CDC14B: variants seen among roughly 807,000 people sequenced by gnomAD.
The protein encoded by CDC14B is cell division cycle 14B.
Under a neutral mutation model 64.2 loss-of-function variants are expected in CDC14B, and 22 were observed. That is an observed-to-expected ratio of 0.34 (90% CI 0.24 to 0.49). The LOEUF is 0.49. Ranked by LOEUF, CDC14B falls within the 20% of genes least tolerant of loss-of-function variation. The pLI is 0.99. For missense variants in CDC14B, 498 were observed against 629.9 expected, an observed-to-expected ratio of 0.79 and a Z score of 2.24; for synonymous variants, 191 against 215.8, an observed-to-expected ratio of 0.89 and a Z score of 1.01.
chr9:96,497,044 G>C (rs926848416), downstream of CDC14B, among the ~76,000 whole-genome samples: 16 of 152,340 alleles, frequency 1.1e-4, no homozygotes, highest in Admixed American at 2.6e-4. Flanking sequence ...GTTTAACACA[G>C]AGAAACACAC....
Position 96,533,947 on chromosome 9 carries a change from G to T in CDC14B, c.926C>A (p.Ala309Asp). The change falls in exon 9 of 14, where the codon GCC becomes GAC. Residue 309 changes from alanine (A) to aspartate (D), a missense_variant. Coordinates refer to ENST00000375241, the MANE Select transcript of CDC14B (RefSeq NM_033331.4). ...FLDICENAEG[A>D]IAVHCKAGLG... ...CATACCTTTGCAATGTACTGCAATG[G>T]CACCCTCAGCATTTTCACAGATATC... is the stretch of plus-strand genomic sequence containing the variant. 1 of 1,610,952 alleles carries T rather than the reference G, an allele frequency of 6.2e-7. No homozygotes were observed. The highest frequency in any genetic ancestry group is 8.5e-7 in the Non-Finnish European group (1 of 1,178,034).
intron 1 of CDC14B, among the ~76,000 whole-genome samples, chr9:96,579,412 C>T (rs569395420): frequency 6.5e-4 from 99 of 151,938 alleles, no homozygotes; most frequent in Non-Finnish European, 1.1e-3. Context: ...ACAGTGAAAC[C>T]CCGTCTCTAC....
intron 1 of CDC14B, chr9:96,567,063 T>A: frequency 9.6e-7 from 1 of 1,043,928 alleles, no homozygotes; most frequent in Non-Finnish European, 1.3e-6. Context: ...CCGCCCCACC[T>A]CCCGCTTTCT....
intron 1 of CDC14B, among the ~76,000 whole-genome samples, chr9:96,615,403 G>A (rs538349142): frequency 1.3e-5 from 2 of 152,252 alleles, no homozygotes; most frequent in South Asian, 2.1e-4. Flanking sequence ...TAGGGATTAA[G>A]CATCCTATAT....
intron 1 of CDC14B, among the ~76,000 whole-genome samples, chr9:96,618,075 C>T (rs1346631165): frequency 6.6e-6 from 1 of 152,174 alleles, no homozygotes; most frequent in Non-Finnish European, 1.5e-5. Context: ...CCACCAAAGC[C>T]GAGAAACCCG....
At chr9:96,594,336 T>A (rs764248618) in intron 1 of CDC14B, among the ~76,000 whole-genome samples, 1 of 152,076 alleles carries the variant, frequency 6.6e-6, no homozygotes, top group Admixed American at 6.6e-5. Context: ...CTGCACAGAA[T>A]AGAGAACCCT....
Position 96,515,996 on chromosome 9 carries a change from T to C in CDC14B, c.1344-6207A>G, listed in dbSNP as rs889968791. 2.6e-5 allele frequency among the ~76,000 whole-genome samples: 4 copies of C among 152,216 alleles called. No homozygotes were observed. The highest frequency in any genetic ancestry group is 9.7e-5 in the African/African-American group (4 of 41,450). ...AAAAAAATGCTGTGTTTAAACAGGTTTCATACTTTGGGACTCAGTCACTAG... is the reference window on the plus strand; with the variant it reads ...AAAAAAATGCTGTGTTTAAACAGGTCTCATACTTTGGGACTCAGTCACTAG... On this transcript the variant is annotated intron_variant, in intron 12 of 13. Transcript: ENST00000375241. This position sits in a 1 kb window ranked among gnomAD's most constrained non-coding sequence, Gnocchi z 4.3.
At chr9:96,547,157 G>GT (rs1007702811) in intron 5 of CDC14B, among the ~76,000 whole-genome samples, 441 of 147,496 alleles carry the variant, frequency 3.0e-3, no homozygotes, top group African/African-American at 3.7e-3. Flanking sequence ...TCAAGTGTTT[G>GT]TTTTTTTTTT....
At chr9:96,546,949 C>T (rs1382679972) in intron 5 of CDC14B, among the ~76,000 whole-genome samples, 1 of 151,976 alleles carries the variant, frequency 6.6e-6, no homozygotes, top group Non-Finnish European at 1.5e-5. Context: ...GTAGTCCCAG[C>T]TACTTGGGAG....
chr9:96,494,811 C>G (rs960351456), intron 13 of CDC14B, among the ~76,000 whole-genome samples: 2 of 116,840 alleles, frequency 1.7e-5, no homozygotes, highest in South Asian at 3.5e-4. Flanking sequence ...AGTCTCGTCC[C>G]GTCCCATCCC....
rs574637848 is a variant in CDC14B, at chr9:96,494,457, A to T, written c.*81-1205T>A. ...TCCATGTAAACCGGATGGGACTAAA[A>T]CTTGGCTCCCTAGGCCTAAAGGCCT... is the stretch of plus-strand genomic sequence containing the variant. On this transcript the variant is annotated intron_variant and NMD_transcript_variant, in intron 13 of 13. Transcript: ENST00000474602. Among the ~76,000 whole-genome samples the T allele has an allele frequency of 3.3e-5, 5 of 152,284 alleles. No homozygotes were observed. In the South Asian group the frequency reaches 1.0e-3, roughly 32 times the overall value.
At chr9:96,591,612 C>A (rs1229779594) in intron 1 of CDC14B, among the ~76,000 whole-genome samples, 1 of 152,132 alleles carries the variant, frequency 6.6e-6, no homozygotes, top group East Asian at 1.9e-4. Flanking sequence ...TCTAAGTCTG[C>A]ACAAAATGCC....
At chr9:96,618,169 GT>G (rs1847756933) in intron 1 of CDC14B, among the ~76,000 whole-genome samples, 1 of 152,188 alleles carries the variant, frequency 6.6e-6, no homozygotes. Flanking sequence ...AAACGTCTGT[GT>G]TTGTCTAAAC....
chr9:96,588,509 G>A (rs561441574), intron 1 of CDC14B, among the ~76,000 whole-genome samples: 3 of 152,238 alleles, frequency 2.0e-5, no homozygotes, highest in South Asian at 2.1e-4. Context: ...TTGTTTTTGC[G>A]ATAGGGCTCA....
At chr9:96,596,664 C>G (rs991888652) in intron 1 of CDC14B, among the ~76,000 whole-genome samples, 1 of 151,908 alleles carries the variant, frequency 6.6e-6, no homozygotes, top group African/African-American at 2.4e-5. Context: ...AGTTGGAGAC[C>G]AGCCTGGATA....
rs1444684625 is a variant in CDC14B at position 96,515,810 on chromosome 9, G to A, written c.1344-6021C>T. On this transcript the variant is annotated intron_variant, in intron 12 of 13. Coordinates refer to ENST00000375241, the MANE Select transcript of CDC14B (RefSeq NM_033331.4). The surrounding 1 kb of genome is among the most constrained non-coding windows in gnomAD (Gnocchi z 4.3). ...GGGGACATCTGGAAAGGGGTGAAGG[G>A]GAAAGAACAGATGTTCAAATTGGGA... The A allele has an allele frequency of 6.4e-7, 1 of 1,568,226 alleles. No individual in the cohort carries two copies. Among genetic ancestry groups the A allele is most frequent in the East Asian group, 2.3e-5 (1 of 42,906 alleles).
chr9:96,574,121 T>C (rs1452588739), intron 1 of CDC14B, among the ~76,000 whole-genome samples: 1 of 150,384 alleles, frequency 6.6e-6, no homozygotes, highest in Non-Finnish European at 1.5e-5. Flanking sequence ...AACTCCAGCT[T>C]GGGTGACAGA....
intron 1 of CDC14B, among the ~76,000 whole-genome samples, chr9:96,574,059 A>G (rs1231735518): frequency 6.6e-6 from 1 of 151,956 alleles, no homozygotes; most frequent in Non-Finnish European, 1.5e-5. Context: ...AGGCAGGAAA[A>G]TGGTGTGAAC....
intron 6 of CDC14B, among the ~76,000 whole-genome samples, chr9:96,541,425 G>A (rs1840050612): frequency 6.6e-6 from 1 of 152,244 alleles, no homozygotes; most frequent in Non-Finnish European, 1.5e-5. Flanking sequence ...GACAGTGACT[G>A]TGTTACGTCT....
Sources: allele counts gnomAD v4.1 joint callset (sites outside exome capture counted in the v4.1 genomes callset), GRCh38; gene constraint gnomAD v4.1.1; non-coding constraint Gnocchi (gnomAD v3.1); transcripts MANE v1.5; gene names NCBI Gene and HGNC (gene_info 2026-07-23, HGNC 2026-07-21).